TAFA4: variants seen among roughly 807,000 people sequenced by gnomAD.
The protein encoded by TAFA4 is chemokine-like protein TAFA-4.
A neutral mutation model predicts 21.1 loss-of-function variants in TAFA4; 20 were observed. The ratio of observed to expected loss-of-function variants is 0.95; its 90% CI spans 0.67 to 1.38. The LOEUF is 1.38. Among genes scored for constraint, TAFA4 ranks in the 40% most tolerant of loss-of-function variants. TAFA4 has a pLI of 0.00. For missense variants in TAFA4, 211 were observed against 180.9 expected, an observed-to-expected ratio of 1.17 and a Z score of -0.95; for synonymous variants, 71 against 67.4, an observed-to-expected ratio of 1.05 and a Z score of -0.26.
intron 3 of TAFA4, among the ~76,000 whole-genome samples, chr3:68,852,158 C>T (rs1337296231): frequency 2.0e-5 from 3 of 152,072 alleles, no homozygotes; most frequent in Admixed American, 1.3e-4. Flanking sequence ...TCAAGACTGA[C>T]GGAGGCCAAT....
At chr3:68,812,041 T>A (rs1181407953) in intron 3 of TAFA4, among the ~76,000 whole-genome samples, 4 of 152,166 alleles carry the variant, frequency 2.6e-5, no homozygotes, top group African/African-American at 9.7e-5. Flanking sequence ...AAGAAAAGAA[T>A]TTTCAACCCA....
chr3:68,863,179 G>T (rs2089372908), intron 3 of TAFA4, among the ~76,000 whole-genome samples: 1 of 151,922 alleles, frequency 6.6e-6, no homozygotes, highest in Non-Finnish European at 1.5e-5. Context: ...GAAGGTGGGG[G>T]TTGCAGTGAG....
At chr3:68,914,907 T>C (rs2089990495) in intron 1 of TAFA4, among the ~76,000 whole-genome samples, 2 of 152,206 alleles carry the variant, frequency 1.3e-5, no homozygotes, top group Admixed American at 1.3e-4. Context: ...TTAAATAAAA[T>C]TCATATTTCA....
chr3:68,733,204 T>C, intron 5 of TAFA4, 51 bp from the exon 6 acceptor site: 2 of 1,596,380 alleles, frequency 1.3e-6, no homozygotes, highest in Non-Finnish European at 1.7e-6. Context: ...CCCACCGAAA[T>C]AACCATTCCT....
chr3:68,822,512 C>A (rs1390393733), intron 3 of TAFA4, among the ~76,000 whole-genome samples: 2 of 152,076 alleles, frequency 1.3e-5, no homozygotes, highest in Admixed American at 6.5e-5. Flanking sequence ...ACTTTGTCAC[C>A]CAGGCTAAAG....
chr3:68,754,313 T>C (rs1575596136), intron 3 of TAFA4, among the ~76,000 whole-genome samples: 1 of 152,262 alleles, frequency 6.6e-6, no homozygotes, highest in Non-Finnish European at 1.5e-5. Context: ...CCAAGGTGCA[T>C]GCATTGCATT....
chr3:68,918,352 C>T (rs917961703), intron 1 of TAFA4, among the ~76,000 whole-genome samples: 1 of 152,190 alleles, frequency 6.6e-6, no homozygotes, highest in African/African-American at 2.4e-5. Context: ...TCTAATGTAA[C>T]TTTTGCTTGT....
intron 3 of TAFA4, among the ~76,000 whole-genome samples, chr3:68,782,991 T>C (rs981590956): frequency 6.6e-6 from 1 of 152,256 alleles, no homozygotes; most frequent in Non-Finnish European, 1.5e-5. Context: ...GGAATGCAGT[T>C]GATTTAATGT....
intron 3 of TAFA4, among the ~76,000 whole-genome samples, chr3:68,773,533 C>G (rs1403259439): frequency 6.6e-6 from 1 of 152,156 alleles, no homozygotes; most frequent in East Asian, 1.9e-4. Flanking sequence ...TCTACCCATG[C>G]AGACACTGGA....
chr3:68,814,515 C>T (rs990525357), intron 3 of TAFA4, among the ~76,000 whole-genome samples: 15 of 143,016 alleles, frequency 1.0e-4, no homozygotes, highest in African/African-American at 3.8e-4. Context: ...CATTCTTATA[C>T]ACCAATAACA....
At chr3:68,816,455 T>C (rs1703978409) in intron 3 of TAFA4, among the ~76,000 whole-genome samples, 1 of 152,240 alleles carries the variant, frequency 6.6e-6, no homozygotes, top group Non-Finnish European at 1.5e-5. Context: ...TTTATCCTTA[T>C]ATATTTTTTG....
intron 1 of TAFA4, among the ~76,000 whole-genome samples, chr3:68,912,231 G>C (rs896535966): frequency 6.6e-6 from 1 of 152,092 alleles, no homozygotes; most frequent in South Asian, 2.1e-4. Flanking sequence ...AAACCACAGG[G>C]AAGACCTGAA....
intron 3 of TAFA4, among the ~76,000 whole-genome samples, chr3:68,875,154 A>G (rs981214550): frequency 6.6e-6 from 1 of 152,106 alleles, no homozygotes; most frequent in African/African-American, 2.4e-5. Context: ...TAACTATGTC[A>G]TAGCAAGACT....
At chr3:68,842,812 A>C (rs1207663180) in intron 3 of TAFA4, among the ~76,000 whole-genome samples, 1 of 152,152 alleles carries the variant, frequency 6.6e-6, no homozygotes, top group Admixed American at 6.5e-5. Context: ...TCCTTTCCCC[A>C]CTGCTTATTT....
intron 3 of TAFA4, among the ~76,000 whole-genome samples, chr3:68,783,611 T>G (rs2106799961): frequency 6.6e-6 from 1 of 150,600 alleles, no homozygotes; most frequent in Non-Finnish European, 1.5e-5. Flanking sequence ...TTTTTTTGAC[T>G]CTCCAGATGG....
intron 3 of TAFA4, among the ~76,000 whole-genome samples, chr3:68,866,567 G>A: frequency 7.2e-6 from 1 of 139,418 alleles, no homozygotes; most frequent in Non-Finnish European, 1.5e-5. Context: ...AACTCCCTAA[G>A]CAGACAAAAC....
At chr3:68,813,834 G>C (rs1331600604) in intron 3 of TAFA4, among the ~76,000 whole-genome samples, 2 of 152,118 alleles carry the variant, frequency 1.3e-5, no homozygotes, top group Non-Finnish European at 2.9e-5. Context: ...GCATCATCCT[G>C]ATACCAAAGC....
intron 2 of TAFA4, among the ~76,000 whole-genome samples, chr3:68,884,840 A>T (rs2089654463): frequency 6.6e-6 from 1 of 152,252 alleles, no homozygotes; most frequent in Non-Finnish European, 1.5e-5. Flanking sequence ...CTGTCTCTAA[A>T]ACAAGTATTC....
At position 68,848,542 on chromosome 3, in the gene TAFA4, A is replaced by G. The variant is rs944705004; in HGVS notation, c.130+32188T>C. On this transcript the variant is annotated intron_variant, in intron 3 of 5. Transcript: ENST00000295569. The stretch of plus-strand genomic sequence containing the variant: ...TTTCAACCTACTTTACAGCCTTTCC[A>G]GGGTCCATGGTTGATCAACTCACCT... Among the ~76,000 whole-genome samples the G allele has an allele frequency of 1.4e-4, 22 of 152,336 alleles. No homozygotes were observed. The South Asian group carries it at 2.7e-3, about 19-fold the overall frequency.
Sources: allele counts gnomAD v4.1 joint callset (sites outside exome capture counted in the v4.1 genomes callset), GRCh38; gene constraint gnomAD v4.1.1; transcripts MANE v1.5; gene names NCBI Gene and HGNC (gene_info 2026-07-23, HGNC 2026-07-21).